Variants in DHRSX observed in about 807,000 individuals in gnomAD.
DHRSX encodes the protein dehydrogenase/reductase X-linked, also known as polyprenol dehydrogenase.
DHRSX carries 31 observed loss-of-function variants against 34.0 expected under a neutral mutation model. That is an observed-to-expected ratio of 0.91 (90% CI 0.69 to 1.23). The LOEUF (loss-of-function observed/expected upper bound fraction) is 1.23, where lower values mean the gene tolerates loss of function less well. DHRSX is among the 50% of genes most tolerant of loss of function. DHRSX has a pLI of 0.00. For synonymous variants in DHRSX, 201 were observed against 183.8 expected (o/e 1.09, Z -0.76); for missense variants, 414 against 428.1 (o/e 0.97, Z 0.29).
intron 1 of DHRSX, among the ~76,000 whole-genome samples, chrX:2,458,211 A>G (rs1191402532): frequency 5.3e-5 from 8 of 152,132 alleles, no homozygotes; most frequent in Non-Finnish European, 1.0e-4. Context: ...GACGTTCCCT[A>G]AGAATGTGGC....
At chrX:2,361,880 CATTTT>C (rs2042938352) in intron 3 of DHRSX, among the ~76,000 whole-genome samples, 2 of 152,278 alleles carry the variant, frequency 1.3e-5, no homozygotes, top group East Asian at 3.9e-4. Flanking sequence ...GCAAGCATTT[CATTTT>C]CTTTTCTTCA....
chrX:2,335,514 G>A (rs1019883275), intron 3 of DHRSX, among the ~76,000 whole-genome samples: 29 of 151,926 alleles, frequency 1.9e-4, no homozygotes, highest in East Asian at 9.7e-4. Flanking sequence ...GCAGTGGCGC[G>A]ACCTCGGCTC....
chrX:2,265,894 G>A (rs1849669081), intron 5 of DHRSX, among the ~76,000 whole-genome samples: 2 of 140,238 alleles, frequency 1.4e-5, no homozygotes, highest in East Asian at 2.3e-4. Context: ...CGGACACAGG[G>A]AGCACTGTCC....
intron 2 of DHRSX, among the ~76,000 whole-genome samples, chrX:2,411,668 A>G (rs1232737141): frequency 6.6e-6 from 1 of 151,132 alleles, no homozygotes; most frequent in African/African-American, 2.4e-5. Flanking sequence ...CAGAGGTTGC[A>G]GTGAGATGAG....
chrX:2,310,477 T>C (rs2042149225), intron 3 of DHRSX, among the ~76,000 whole-genome samples: 1 of 152,022 alleles, frequency 6.6e-6, no homozygotes, highest in African/African-American at 2.4e-5. Flanking sequence ...ATGAGGCAGC[T>C]ATCCATCTGC....
At chrX:2,314,245 AG>A (rs1486454377) in intron 3 of DHRSX, among the ~76,000 whole-genome samples, 6 of 9,160 alleles carry the variant, frequency 6.6e-4, no homozygotes, top group African/African-American at 9.8e-4. Flanking sequence ...GAGGGAAGGA[AG>A]GGAGGGAAGG....
At chrX:2,325,325 A>G (rs1253686391) in intron 3 of DHRSX, among the ~76,000 whole-genome samples, 1 of 152,014 alleles carries the variant, frequency 6.6e-6, no homozygotes, top group East Asian at 1.9e-4. Context: ...TGGCGGCTCC[A>G]TCTTCCCGGC....
At chrX:2,259,911 C>A (rs182762844) in intron 5 of DHRSX, among the ~76,000 whole-genome samples, 1 of 152,078 alleles carries the variant, frequency 6.6e-6, no homozygotes, top group Admixed American at 6.6e-5. Context: ...CTAATTACAC[C>A]GGCAAAGTTC....
intron 5 of DHRSX, among the ~76,000 whole-genome samples, chrX:2,243,799 T>G (rs866504872): frequency 0.056 from 1,295 of 23,234 alleles, 54 homozygotes; most frequent in Middle Eastern, 0.11. Flanking sequence ...TTTTTTTTTT[T>G]TTTTTTTTTT....
Position 2,490,448 on chromosome X carries a change from G to A in DHRSX, c.109+10369C>T. ...GGGCTTCAGCTTGGAGAAGGCGGTG[G>A]CGAAGGCTTCACGCATCTGCTCCGT... On this transcript the variant is annotated intron_variant, in intron 1 of 6. Transcript: ENST00000334651. The A allele has an allele frequency of 3.1e-6, 5 of 1,614,010 alleles. No individual in the cohort carries two copies. In the South Asian group the frequency reaches 5.5e-5, roughly 18 times the overall value.
At chrX:2,337,120 T>C (rs1182323220) in intron 3 of DHRSX, among the ~76,000 whole-genome samples, 1 of 152,104 alleles carries the variant, frequency 6.6e-6, no homozygotes, top group Non-Finnish European at 1.5e-5. Flanking sequence ...GCTCTTTCTA[T>C]GTAAAACCAG....
intron 3 of DHRSX, among the ~76,000 whole-genome samples, chrX:2,353,365 C>T (rs956179493): frequency 6.6e-6 from 1 of 152,004 alleles, no homozygotes; most frequent in African/African-American, 2.4e-5. Flanking sequence ...CCTCATTTAC[C>T]CCGAAATGAA....
intron 3 of DHRSX, among the ~76,000 whole-genome samples, chrX:2,390,715 T>C (rs957965352): frequency 6.6e-6 from 1 of 152,258 alleles, no homozygotes; most frequent in Non-Finnish European, 1.5e-5. Flanking sequence ...GTGTACCTCA[T>C]AGGAGTGGAA....
rs193039968 is a variant in DHRSX, at chrX:2,326,259, G to A, written c.287-34656C>T. ...AACTCCTGGCCAGGCATGGTGGCTCGCACCTGTAATCCCAGCACTTTGGGA... is the reference window on the plus strand; with the variant it reads ...AACTCCTGGCCAGGCATGGTGGCTCACACCTGTAATCCCAGCACTTTGGGA... On this transcript the variant is annotated intron_variant, in intron 3 of 6. Transcript: ENST00000334651. 1.8e-3 allele frequency among the ~76,000 whole-genome samples: 271 copies of A among 152,140 alleles called. 2 individuals carry two copies. The highest frequency in any genetic ancestry group is 6.2e-3 in the African/African-American group (259 of 41,518).
chrX:2,491,404 TC>T (rs1460883155), intron 1 of DHRSX, among the ~76,000 whole-genome samples: 1 of 152,106 alleles, frequency 6.6e-6, no homozygotes, highest in African/African-American at 2.4e-5. Context: ...GGCTTGTTGT[TC>T]CTGTCCTAAG....
At chrX:2,431,326 CAA>C (rs748686139) in intron 1 of DHRSX, among the ~76,000 whole-genome samples, 10 of 124,152 alleles carry the variant, frequency 8.1e-5, no homozygotes, top group Admixed American at 8.6e-5. Context: ...CTCCATCTCA[CAA>C]AAAAAAAAAA....
intron 2 of DHRSX, among the ~76,000 whole-genome samples, chrX:2,412,479 G>A (rs1354611388): frequency 3.3e-5 from 5 of 151,548 alleles, no homozygotes; most frequent in Admixed American, 1.3e-4. Context: ...GACCAGAAAG[G>A]TTGGATTTTA....
chrX:2,401,338 T>C (rs2043483429), intron 3 of DHRSX, among the ~76,000 whole-genome samples: 1 of 152,182 alleles, frequency 6.6e-6, no homozygotes, highest in Non-Finnish European at 1.5e-5. Context: ...TTCAAACTCC[T>C]GACCTCAAGC....
At chrX:2,392,923 A>G (rs2043352841) in intron 3 of DHRSX, among the ~76,000 whole-genome samples, 1 of 142,482 alleles carries the variant, frequency 7.0e-6, no homozygotes, top group African/African-American at 2.5e-5. Flanking sequence ...ATATAAATAT[A>G]TAAATAAAAT....
Sources: allele counts gnomAD v4.1 joint callset (sites outside exome capture counted in the v4.1 genomes callset), GRCh38; gene constraint gnomAD v4.1.1; transcripts MANE v1.5; gene names NCBI Gene and HGNC (gene_info 2026-07-23, HGNC 2026-07-21).